Variants in ZNF385D observed in about 807,000 individuals in gnomAD.
The protein encoded by ZNF385D is zinc finger protein 659.
Under a neutral mutation model 35.8 loss-of-function variants are expected in ZNF385D, and 15 were observed. That is an observed-to-expected ratio of 0.42 (90% CI 0.28 to 0.64). The LOEUF (loss-of-function observed/expected upper bound fraction) is 0.64. Among genes scored for constraint, ZNF385D ranks in the 30% least tolerant of loss-of-function variants. The probability of loss-of-function intolerance (pLI) is 0.23; values close to 1 mark genes in which losing one functional copy is unlikely to be tolerated. For synonymous variants in ZNF385D, 212 were observed against 186.8 expected (o/e 1.13, Z -1.10); for missense variants, 474 against 494.6 (o/e 0.96, Z 0.39).
intron 4 of ZNF385D, among the ~76,000 whole-genome samples, chr3:21,492,526 T>C (rs1156299099): frequency 2.7e-5 from 4 of 150,200 alleles, no homozygotes; most frequent in Non-Finnish European, 5.9e-5. Flanking sequence ...CTCAAACCTG[T>C]AATCCCAGCA....
At chr3:21,651,507 G>A (rs2065912656) in intron 2 of ZNF385D, among the ~76,000 whole-genome samples, 1 of 151,314 alleles carries the variant, frequency 6.6e-6, no homozygotes, top group South Asian at 2.1e-4. Flanking sequence ...GCACAGCAAT[G>A]TGGTATTTTT....
At chr3:21,684,779 T>C (rs2067051436) in intron 1 of ZNF385D, among the ~76,000 whole-genome samples, 1 of 152,166 alleles carries the variant, frequency 6.6e-6, no homozygotes, top group Non-Finnish European at 1.5e-5. Context: ...ATTTTTATTC[T>C]GAACATATTA....
chr3:21,923,307 G>C (rs1700568628), intron 3 of ZNF385D, among the ~76,000 whole-genome samples: 1 of 151,638 alleles, frequency 6.6e-6, no homozygotes, highest in Non-Finnish European at 1.5e-5. Context: ...ACCACAATGA[G>C]ATACCATCTC....
chr3:21,981,291 T>C (rs546957382), intron 3 of ZNF385D, among the ~76,000 whole-genome samples: 2 of 152,284 alleles, frequency 1.3e-5, no homozygotes, highest in East Asian at 1.9e-4. Context: ...CTCATTGTGG[T>C]TTTGATTTGC....
At chr3:21,860,601 A>G (rs1696994976) in intron 3 of ZNF385D, among the ~76,000 whole-genome samples, 1 of 152,164 alleles carries the variant, frequency 6.6e-6, no homozygotes, top group Non-Finnish European at 1.5e-5. Flanking sequence ...GACAGGAAAC[A>G]GATCAAGCAT....
intron 5 of ZNF385D, among the ~76,000 whole-genome samples, chr3:21,430,305 G>A (rs1454886341): frequency 6.6e-6 from 1 of 152,050 alleles, no homozygotes; most frequent in African/African-American, 2.4e-5. Flanking sequence ...TGATTTACCA[G>A]TAATATATCC....
intron 3 of ZNF385D, among the ~76,000 whole-genome samples, chr3:21,927,545 G>A (rs988472948): frequency 2.0e-5 from 3 of 152,164 alleles, no homozygotes; most frequent in African/African-American, 7.2e-5. Context: ...AACAAAAAGA[G>A]ATTGCTGGGC....
Position 21,646,843 on chromosome 3 carries a change from G to C in ZNF385D, c.165+18043C>G, listed in dbSNP as rs1197436398. Reference sequence around the variant, plus strand: ...AATGTTAAGTCCTGGGTTGCTACCTGTAATGGCAGTCCTATCCAGCCCCTC... The same window carrying C: ...AATGTTAAGTCCTGGGTTGCTACCTCTAATGGCAGTCCTATCCAGCCCCTC... On this transcript the variant is annotated intron_variant, in intron 2 of 7. Transcript: ENST00000281523. The surrounding 1 kb of genome is among the most constrained non-coding windows in gnomAD (Gnocchi z 4.3). 6.6e-6 allele frequency among the ~76,000 whole-genome samples: 1 copy of C among 152,182 alleles called. No homozygotes were observed. The highest frequency in any genetic ancestry group is 1.5e-5 in the Non-Finnish European group (1 of 68,046).
chr3:22,049,277 CA>C (rs1158462453), intron 3 of ZNF385D, among the ~76,000 whole-genome samples: 1 of 95,726 alleles, frequency 1.0e-5, no homozygotes, highest in Non-Finnish European at 2.6e-5. Flanking sequence ...GCCTGGGAAA[CA>C]AGAGCGAAAC....
In ZNF385D at chr3:21,527,450, A is replaced by T. The variant is rs116983122; in HGVS notation, c.277-16427T>A. On this transcript the variant is annotated intron_variant, in intron 3 of 7. Transcript: ENST00000281523. ...CATAATTCATTTCACCTCCAGTATG[A>T]ATTTTTTTCTACTCCTAAAATATTA... 2.3e-3 allele frequency among the ~76,000 whole-genome samples: 346 copies of T among 152,294 alleles called. 6 individuals carry two copies. In the East Asian group the frequency reaches 0.055, roughly 24 times the overall value.
At chr3:21,941,162 G>C (rs1027812892) in intron 3 of ZNF385D, among the ~76,000 whole-genome samples, 2 of 152,106 alleles carry the variant, frequency 1.3e-5, no homozygotes, top group Admixed American at 6.6e-5. Flanking sequence ...TGGTTAAAAG[G>C]GAAGTCCCAG....
intron 3 of ZNF385D, among the ~76,000 whole-genome samples, chr3:21,768,558 C>A (rs1022303923): frequency 6.6e-6 from 1 of 151,914 alleles, no homozygotes; most frequent in African/African-American, 2.4e-5. Context: ...AGCAGCAACC[C>A]CTCCCCAACA....
chr3:22,045,900 G>C (rs1044392609), intron 3 of ZNF385D, among the ~76,000 whole-genome samples: 1 of 152,142 alleles, frequency 6.6e-6, no homozygotes, highest in South Asian at 2.1e-4. Context: ...TTATAATGGA[G>C]ATCTAAACAA....
chr3:21,828,408 G>T lies in ZNF385D; in HGVS notation c.326-163380C>A, dbSNP rs372672993. On this transcript the variant is annotated intron_variant, in intron 3 of 5. Transcript: ENST00000494108. ...TAAATATATGTTTTACTACATTTTG[G>T]TGCCCATTAGAGAAATAAACAAAAG... Among the ~76,000 whole-genome samples the T allele has an allele frequency of 7.9e-4, 120 of 152,116 alleles. 1 individual carries two copies. The highest frequency in any genetic ancestry group is 3.9e-3 in the East Asian group (20 of 5,158).
chr3:22,273,439 G>T (rs1006951143), intron 2 of ZNF385D, among the ~76,000 whole-genome samples: 4 of 151,952 alleles, frequency 2.6e-5, no homozygotes, highest in African/African-American at 9.7e-5. Flanking sequence ...AATGTCTGAA[G>T]ATATTTCTGG....
chr3:21,897,289 T>C (rs976653514), intron 3 of ZNF385D, among the ~76,000 whole-genome samples: 6 of 152,136 alleles, frequency 3.9e-5, no homozygotes, highest in African/African-American at 1.4e-4. Context: ...ATTAATACAT[T>C]GCCTGGGTGA....
intron 1 of ZNF385D, among the ~76,000 whole-genome samples, chr3:21,674,821 G>C (rs1054907518): frequency 6.6e-6 from 1 of 151,988 alleles, no homozygotes; most frequent in Admixed American, 6.6e-5. Flanking sequence ...AAGAATATCT[G>C]TTCCATTCAT....
chr3:22,082,938 T>A (rs750428274), intron 3 of ZNF385D, among the ~76,000 whole-genome samples: 20 of 152,154 alleles, frequency 1.3e-4, no homozygotes, highest in Non-Finnish European at 2.4e-4. Context: ...GCAAACAGGG[T>A]CTGGGGTGGA....
intron 1 of ZNF385D, among the ~76,000 whole-genome samples, chr3:21,713,236 G>T (rs9875169): frequency 2.0e-3 from 299 of 152,076 alleles, no homozygotes; most frequent in African/African-American, 6.9e-3. Context: ...AGTGTACAAG[G>T]GAAGTTCCAA....
Sources: allele counts gnomAD v4.1 joint callset (sites outside exome capture counted in the v4.1 genomes callset), GRCh38; gene constraint gnomAD v4.1.1; non-coding constraint Gnocchi (gnomAD v3.1); transcripts MANE v1.5; gene names NCBI Gene and HGNC (gene_info 2026-07-23, HGNC 2026-07-21).